Variants in AGMO observed in about 807,000 individuals in gnomAD.
The protein encoded by AGMO is alkylglycerol monooxygenase.
In AGMO, 75 loss-of-function variants were observed where a neutral mutation model predicts 60.2. The observed-to-expected ratio is 1.25, with a 90% CI of 1.03 to 1.51. The LOEUF is 1.51. AGMO is among the 40% of genes most tolerant of loss of function. The pLI is 0.00. For synonymous variants in AGMO, 261 were observed against 177.1 expected, an observed-to-expected ratio of 1.47 and a Z score of -3.76; for missense variants, 763 against 525.5, an observed-to-expected ratio of 1.45 and a Z score of -4.42.
intron 2 of AGMO, among the ~76,000 whole-genome samples, chr7:15,545,503 C>A (rs1784754587): frequency 6.6e-6 from 1 of 152,018 alleles, no homozygotes; most frequent in South Asian, 2.1e-4. Flanking sequence ...CATACACACA[C>A]ATATATATTA....
At chr7:15,282,834 T>C (rs1784006910) in intron 12 of AGMO, among the ~76,000 whole-genome samples, 1 of 152,186 alleles carries the variant, frequency 6.6e-6, no homozygotes, top group African/African-American at 2.4e-5. Context: ...CTAAGAGCAG[T>C]GAAACAAAAG....
At chr7:15,386,550 A>T (rs1783922254) in intron 9 of AGMO, among the ~76,000 whole-genome samples, 1 of 152,210 alleles carries the variant, frequency 6.6e-6, no homozygotes, top group Non-Finnish European at 1.5e-5. Flanking sequence ...CATAAACGGA[A>T]GTGGGAAACT....
At chr7:15,527,019 C>G (rs2128538739) in intron 3 of AGMO, among the ~76,000 whole-genome samples, 1 of 152,234 alleles carries the variant, frequency 6.6e-6, no homozygotes, top group South Asian at 2.1e-4. Context: ...CTGTCTTTCT[C>G]TCTCTCATTG....
intron 12 of AGMO, among the ~76,000 whole-genome samples, chr7:15,247,045 A>G (rs73279638): frequency 0.022 from 3,369 of 152,110 alleles, 122 homozygotes; most frequent in African/African-American, 0.077. Flanking sequence ...GGCTCAGGCA[A>G]TTCATCCACT....
At chr7:15,554,898 G>A (rs1232892000) in intron 2 of AGMO, among the ~76,000 whole-genome samples, 1 of 151,790 alleles carries the variant, frequency 6.6e-6, no homozygotes, top group East Asian at 1.9e-4. Context: ...CTCTTTCAGT[G>A]TCTAAGGATA....
chr7:15,391,367 G>A (rs1784130484), intron 6 of AGMO, among the ~76,000 whole-genome samples: 2 of 151,830 alleles, frequency 1.3e-5, no homozygotes, highest in South Asian at 4.2e-4. Flanking sequence ...GACCTGACTA[G>A]TTTTTTTAAG....
chr7:15,252,812 A>G (rs1782977751), intron 12 of AGMO, among the ~76,000 whole-genome samples: 2 of 152,240 alleles, frequency 1.3e-5, no homozygotes, highest in South Asian at 4.1e-4. Context: ...TTAAGAAAAG[A>G]AAGAATCAGT....
the AGMO span, among the ~76,000 whole-genome samples, chr7:15,167,457 G>A: frequency 6.6e-6 from 1 of 152,182 alleles, no homozygotes; most frequent in Non-Finnish European, 1.5e-5. Flanking sequence ...AGACGCTAAA[G>A]AGTAGACTGC....
chr7:15,368,642 G>A (rs893155715), intron 10 of AGMO, among the ~76,000 whole-genome samples: 2 of 152,110 alleles, frequency 1.3e-5, no homozygotes, highest in African/African-American at 4.8e-5. Context: ...AAAGTCAATT[G>A]ATGGTCATGG....
intron 12 of AGMO, among the ~76,000 whole-genome samples, chr7:15,244,120 T>C (rs1181187368): frequency 1.3e-5 from 2 of 152,104 alleles, no homozygotes; most frequent in Non-Finnish European, 2.9e-5. Flanking sequence ...CATATGTTAT[T>C]GTGAGAGTTA....
At chr7:15,487,686 A>G (rs985295368) in intron 3 of AGMO, among the ~76,000 whole-genome samples, 6 of 152,140 alleles carry the variant, frequency 3.9e-5, no homozygotes, top group African/African-American at 1.4e-4. Flanking sequence ...ATGTTTCTTA[A>G]TCCCATCTTT....
chr7:15,151,266 A>C, the AGMO span, among the ~76,000 whole-genome samples: 1 of 152,132 alleles, frequency 6.6e-6, no homozygotes, highest in Non-Finnish European at 1.5e-5. Context: ...TATTCATTCA[A>C]AGAACAAACT....
At chr7:15,223,359 TATC>T (rs921959111) in intron 12 of AGMO, among the ~76,000 whole-genome samples, 1 of 151,976 alleles carries the variant, frequency 6.6e-6, no homozygotes, top group Non-Finnish European at 1.5e-5. Context: ...GCTTCAGTGA[TATC>T]ATTGCATTAT....
intron 3 of AGMO, among the ~76,000 whole-genome samples, chr7:15,466,072 G>C (rs551152672): frequency 2.0e-4 from 30 of 152,244 alleles, no homozygotes; most frequent in African/African-American, 6.3e-4. Flanking sequence ...TTGGTCCTTA[G>C]GGATCTCATG....
chr7:15,130,433 A>C, the AGMO span, among the ~76,000 whole-genome samples: 1 of 151,986 alleles, frequency 6.6e-6, no homozygotes, highest in African/African-American at 2.4e-5. Context: ...GCGTATTTTC[A>C]ACATCTTTCT....
the AGMO span, among the ~76,000 whole-genome samples, chr7:15,180,169 C>T: frequency 3.9e-5 from 6 of 152,112 alleles, no homozygotes; most frequent in Admixed American, 3.3e-4. Flanking sequence ...ACACCTTTGG[C>T]GTTCTTTCTT....
the AGMO span, among the ~76,000 whole-genome samples, chr7:15,188,327 G>C: frequency 6.6e-6 from 1 of 152,140 alleles, no homozygotes; most frequent in Non-Finnish European, 1.5e-5. Flanking sequence ...TACCTCATAA[G>C]GTTATTGTGA....
At chr7:15,393,488 T>C (rs1784233865) in intron 6 of AGMO, among the ~76,000 whole-genome samples, 1 of 152,234 alleles carries the variant, frequency 6.6e-6, no homozygotes. Context: ...GAAAAACATT[T>C]GAATTATTTC....
At chr7:15,285,154 C>A (rs915600520) in intron 12 of AGMO, among the ~76,000 whole-genome samples, 4 of 151,470 alleles carry the variant, frequency 2.6e-5, no homozygotes, top group African/African-American at 9.7e-5. Context: ...AAGCATTCCC[C>A]CGAGAACTAA....
Sources: allele counts gnomAD v4.1 joint callset (sites outside exome capture counted in the v4.1 genomes callset), GRCh38; gene constraint gnomAD v4.1.1; transcripts MANE v1.5; gene names NCBI Gene and HGNC (gene_info 2026-07-23, HGNC 2026-07-21).